PCDH15: variants seen among roughly 807,000 people sequenced by gnomAD.
PCDH15 encodes protocadherin-15.
Under a neutral mutation model 178.5 loss-of-function variants are expected in PCDH15, and 129 were observed. The observed-to-expected ratio is 0.72, with a 90% CI of 0.63 to 0.84. The LOEUF (loss-of-function observed/expected upper bound fraction) is 0.84. Ranked by LOEUF, PCDH15 falls within the 40% of genes least tolerant of loss-of-function variation. The probability of loss-of-function intolerance (pLI) is 0.00; values close to 1 mark genes in which losing one functional copy is unlikely to be tolerated. For synonymous variants in PCDH15, 800 were observed against 732.0 expected (o/e 1.09, Z -1.50); for missense variants, 2,230 against 2,099.9 (o/e 1.06, Z -1.21).
At chr10:55,170,499 TC>T (rs1839304503) in intron 1 of PCDH15, among the ~76,000 whole-genome samples, 1 of 152,000 alleles carries the variant, frequency 6.6e-6, no homozygotes, top group African/African-American at 2.4e-5. Context: ...CACCCCCTTT[TC>T]CGAATGAAGG....
intron 32 of PCDH15, among the ~76,000 whole-genome samples, chr10:53,824,412 A>G (rs1363931285): frequency 1.3e-5 from 2 of 152,212 alleles, no homozygotes; most frequent in African/African-American, 2.4e-5. Context: ...CAGGAATGAA[A>G]TAAAAAAGAA....
intron 2 of PCDH15, among the ~76,000 whole-genome samples, chr10:55,070,142 A>G (rs1302373355): frequency 6.6e-6 from 1 of 150,522 alleles, no homozygotes; most frequent in Non-Finnish European, 1.5e-5. Context: ...TTTTTCTTGT[A>G]AATTTGTTTG....
intron 2 of PCDH15, among the ~76,000 whole-genome samples, chr10:55,368,936 T>C (rs540306125): frequency 2.2e-5 from 3 of 135,320 alleles, no homozygotes; most frequent in African/African-American, 8.2e-5. Context: ...GTGGTTATAA[T>C]AACCAAAGTG....
intron 2 of PCDH15, among the ~76,000 whole-genome samples, chr10:55,072,191 G>C (rs1228115698): frequency 6.6e-6 from 1 of 152,014 alleles, no homozygotes; most frequent in East Asian, 1.9e-4. Context: ...AAAAGAACTA[G>C]AAAAGCAAGA....
intron 2 of PCDH15, among the ~76,000 whole-genome samples, chr10:55,115,938 A>G (rs1255166973): frequency 3.9e-5 from 6 of 152,226 alleles, no homozygotes; most frequent in Non-Finnish European, 7.3e-5. Flanking sequence ...TATCCAATTT[A>G]CATTCCCAAA....
intron 1 of PCDH15, among the ~76,000 whole-genome samples, chr10:54,693,416 G>C (rs1010650812): frequency 6.6e-6 from 1 of 152,040 alleles, no homozygotes; most frequent in African/African-American, 2.4e-5. Flanking sequence ...TCATATATTA[G>C]ATTAATACAA....
At position 54,746,124 on chromosome 10, in the gene PCDH15, G is replaced by A. The variant is rs139806814; in HGVS notation, c.-29+54801C>T. The stretch of plus-strand genomic sequence containing the variant: ...GGGTTTCTCAAGCACAGCACTATTC[G>A]CATTTTGGGCCAGATGACACCTTGT... On this transcript the variant is annotated intron_variant, in intron 1 of 37. Transcript: ENST00000644397. 9.5e-3 allele frequency among the ~76,000 whole-genome samples: 1,446 copies of A among 152,096 alleles called. 11 individuals carry two copies. Among genetic ancestry groups the A allele is most frequent in the African/African-American group, 0.026 (1,077 of 41,480 alleles).
At chr10:54,952,360 T>C (rs1417942540) in intron 2 of PCDH15, among the ~76,000 whole-genome samples, 3 of 151,856 alleles carry the variant, frequency 2.0e-5, no homozygotes, top group African/African-American at 7.2e-5. Flanking sequence ...GTTTCATTGA[T>C]CTGCCTGTGT....
intron 2 of PCDH15, among the ~76,000 whole-genome samples, chr10:55,440,094 T>G (rs1229429490): frequency 6.6e-6 from 1 of 152,154 alleles, no homozygotes; most frequent in Non-Finnish European, 1.5e-5. Flanking sequence ...ACATTTTACT[T>G]GTAATTGGAA....
chr10:54,897,653 T>C (rs561408479), intron 2 of PCDH15, among the ~76,000 whole-genome samples: 1 of 152,296 alleles, frequency 6.6e-6, no homozygotes, highest in Non-Finnish European at 1.5e-5. Flanking sequence ...GTTTTATATG[T>C]TCTTACAGCC....
intron 2 of PCDH15, among the ~76,000 whole-genome samples, chr10:55,568,180 G>T (rs1349287857): frequency 1.3e-5 from 2 of 151,940 alleles, no homozygotes; most frequent in Non-Finnish European, 2.9e-5. Context: ...GAGTAGAACG[G>T]ATAAGCAAAA....
At chr10:55,408,928 A>C (rs999934624) in intron 2 of PCDH15, among the ~76,000 whole-genome samples, 39 of 152,036 alleles carry the variant, frequency 2.6e-4, no homozygotes, top group African/African-American at 9.4e-4. Context: ...GTGTATCACC[A>C]TCTCCTTTTA....
At chr10:53,925,524 C>T (rs1416918338) in intron 25 of PCDH15, among the ~76,000 whole-genome samples, 1 of 152,194 alleles carries the variant, frequency 6.6e-6, no homozygotes, top group African/African-American at 2.4e-5. Context: ...AAGAACCCAC[C>T]AATTCCAGAC....
At chr10:53,974,411 G>A (rs978076010) in intron 21 of PCDH15, among the ~76,000 whole-genome samples, 5 of 151,916 alleles carry the variant, frequency 3.3e-5, no homozygotes, top group Non-Finnish European at 7.4e-5. Flanking sequence ...ATACAACTAA[G>A]TAATAATATA....
intron 2 of PCDH15, among the ~76,000 whole-genome samples, chr10:54,528,208 C>G (rs1024078530): frequency 6.6e-6 from 1 of 151,692 alleles, no homozygotes; most frequent in Non-Finnish European, 1.5e-5. Flanking sequence ...GGATGATTAA[C>G]AAGGATAAAT....
chr10:55,074,872 C>T (rs1841841712), intron 2 of PCDH15, among the ~76,000 whole-genome samples: 1 of 152,028 alleles, frequency 6.6e-6, no homozygotes, highest in Non-Finnish European at 1.5e-5. Context: ...GTCTTTAATC[C>T]ATCTTGAGAT....
intron 2 of PCDH15, among the ~76,000 whole-genome samples, chr10:55,513,467 T>C (rs1460607695): frequency 3.3e-5 from 5 of 152,122 alleles, no homozygotes; most frequent in African/African-American, 1.2e-4. Context: ...ATATTAAAGA[T>C]ATTTTTTAAA....
chr10:54,819,432 T>C (rs1564536608), intron 3 of PCDH15, among the ~76,000 whole-genome samples: 2 of 152,018 alleles, frequency 1.3e-5, no homozygotes, highest in East Asian at 3.9e-4. Flanking sequence ...TTTTACATTA[T>C]TTGTTTTAAA....
At chr10:54,696,338 C>T (rs1419834047) in intron 1 of PCDH15, among the ~76,000 whole-genome samples, 1 of 152,040 alleles carries the variant, frequency 6.6e-6, no homozygotes, top group Non-Finnish European at 1.5e-5. Flanking sequence ...TTGCTGCAAT[C>T]TCATGATAAA....
Sources: allele counts gnomAD v4.1 joint callset (sites outside exome capture counted in the v4.1 genomes callset), GRCh38; gene constraint gnomAD v4.1.1; transcripts MANE v1.5; gene names NCBI Gene and HGNC (gene_info 2026-07-23, HGNC 2026-07-21).